CUX1: variants seen among roughly 807,000 people sequenced by gnomAD.
CUX1 encodes the protein protein CASP.
A neutral mutation model predicts 158.8 loss-of-function variants in CUX1; 31 were observed. The ratio of observed to expected loss-of-function variants is 0.20; its 90% confidence interval spans 0.15 to 0.26. The LOEUF is 0.26. Ranked by LOEUF, CUX1 falls within the 10% of genes least tolerant of loss-of-function variation. The pLI is 1.00. For missense variants in CUX1, 1,589 were observed against 2,014.6 expected (o/e 0.79, Z 4.04); for synonymous variants, 879 against 862.1 (o/e 1.02, Z -0.34).
chr7:102,274,214 C>T, intron 15 of CUX1: 1 of 1,602,760 alleles, frequency 6.2e-7, no homozygotes, highest in Non-Finnish European at 8.5e-7. Context: ...TGTGCGGAGG[C>T]ACCTCCTCAT....
Position 102,254,206 on chromosome 7 carries a change from AG to A in CUX1, c.*5167del. The A allele has an allele frequency of 6.1e-6, 6 of 985,278 alleles. No individual in the cohort carries two copies. The highest frequency in any genetic ancestry group is 7.2e-6 in the Non-Finnish European group (6 of 830,032). 61.0% of individuals were successfully genotyped at this position (985,278 alleles called of 1,614,324 possible). A position where few individuals can be genotyped will look rare whatever the true frequency, so the allele number is the denominator to read the frequency against. On this transcript the variant is annotated 3_prime_UTR_variant, in exon 24 of 24. Coordinates refer to ENST00000292535, the MANE Select transcript of CUX1 (RefSeq NM_181552.4). ...GGCAGGGCGTGGTCTCGGGGCTCCGAGGGTCTTGTCTTTGGTCCGCCTTCCT... is the reference window on the plus strand; with the variant it reads ...GGCAGGGCGTGGTCTCGGGGCTCCGAGGTCTTGTCTTTGGTCCGCCTTCCT...
chr7:101,821,571 T>C (rs929564787), intron 1 of CUX1, among the ~76,000 whole-genome samples: 23 of 151,048 alleles, frequency 1.5e-4, no homozygotes, highest in Non-Finnish European at 3.0e-4. Context: ...ATCTCCTCAC[T>C]TAGTGATCCG....
intron 1 of CUX1, among the ~76,000 whole-genome samples, chr7:101,839,885 C>A (rs1336429677): frequency 6.6e-6 from 1 of 152,128 alleles, no homozygotes; most frequent in Non-Finnish European, 1.5e-5. Flanking sequence ...GCTCAGCCTC[C>A]CCAGTAGCTG....
chr7:102,043,188 C>T (rs768986934), intron 3 of CUX1, among the ~76,000 whole-genome samples: 2 of 152,048 alleles, frequency 1.3e-5, no homozygotes, highest in African/African-American at 4.8e-5. Flanking sequence ...TGACCTCAAG[C>T]GATCCTCCCA....
chr7:101,834,177 T>C (rs1210429788), intron 1 of CUX1, among the ~76,000 whole-genome samples: 1 of 138,328 alleles, frequency 7.2e-6, no homozygotes, highest in African/African-American at 2.7e-5. Flanking sequence ...TTTTTTTTTT[T>C]TTTTTTTTTT....
At chr7:102,205,277 G>A in intron 20 of CUX1, 107 bp downstream of exon 20, 1 of 823,348 alleles carries the variant, frequency 1.2e-6, no homozygotes, top group Non-Finnish European at 2.1e-6. Context: ...GCACATTCTG[G>A]ATTTGGGGAG....
At chr7:101,892,807 G>A (rs1054862975) in intron 1 of CUX1, among the ~76,000 whole-genome samples, 2 of 152,060 alleles carry the variant, frequency 1.3e-5, no homozygotes, top group Admixed American at 6.6e-5. Flanking sequence ...CCATTAAAGG[G>A]CCTAAAACTA....
intron 2 of CUX1, among the ~76,000 whole-genome samples, chr7:101,952,446 G>A (rs979716728): frequency 6.6e-6 from 1 of 152,132 alleles, no homozygotes; most frequent in Non-Finnish European, 1.5e-5. Context: ...CAGAAAATAC[G>A]CGGGCAGGCC....
intron 2 of CUX1, among the ~76,000 whole-genome samples, chr7:101,943,112 T>C (rs1251909056): frequency 2.7e-5 from 4 of 149,172 alleles, no homozygotes; most frequent in Non-Finnish European, 5.9e-5. Flanking sequence ...TTACTTTTTC[T>C]TTTTCTGTTT....
At position 101,886,044 on chromosome 7, in the gene CUX1, G is replaced by A. The variant is rs181039930; in HGVS notation, c.31-30071G>A. 5.6e-3 allele frequency among the ~76,000 whole-genome samples: 847 copies of A among 152,196 alleles called. 9 individuals carry two copies. Among genetic ancestry groups the A allele is most frequent in the African/African-American group, 0.02 (812 of 41,536 alleles). On this transcript the variant is annotated intron_variant, in intron 1 of 23. Transcript: ENST00000292535. ...GGCCCCAGGATCCCCATGCCTCTGT[G>A]GGGGACACTCTGGAAGTGACAGGTG... is the stretch of plus-strand genomic sequence containing the variant.
chr7:102,041,357 C>T (rs373095033), intron 3 of CUX1, among the ~76,000 whole-genome samples: 3 of 135,416 alleles, frequency 2.2e-5, no homozygotes, highest in Admixed American at 8.6e-5. Flanking sequence ...TGGGTTCAAG[C>T]GATTCTCCTG....
At chr7:102,014,252 A>C (rs1019176084) in intron 2 of CUX1, among the ~76,000 whole-genome samples, 1 of 152,094 alleles carries the variant, frequency 6.6e-6, no homozygotes, top group African/African-American at 2.4e-5. Context: ...AGTATCTCAA[A>C]AGACAGACAT....
intron 3 of CUX1, among the ~76,000 whole-genome samples, chr7:102,038,205 G>A (rs1318698566): frequency 2.6e-5 from 4 of 152,174 alleles, no homozygotes; most frequent in Admixed American, 1.3e-4. Context: ...AGTGTTTACC[G>A]TGATAGATTC....
At chr7:101,965,473 G>T (rs1315094640) in intron 2 of CUX1, among the ~76,000 whole-genome samples, 1 of 152,078 alleles carries the variant, frequency 6.6e-6, no homozygotes, top group Admixed American at 6.6e-5. Context: ...GGGTCAGCAG[G>T]GCATATGGCC....
At chr7:102,001,132 G>A (rs1816634318) in intron 2 of CUX1, among the ~76,000 whole-genome samples, 1 of 152,084 alleles carries the variant, frequency 6.6e-6, no homozygotes, top group Admixed American at 6.6e-5. Flanking sequence ...TCCTGCATTT[G>A]TTAAAGACCC....
At chr7:102,088,834 C>G (rs146475043) in intron 4 of CUX1, among the ~76,000 whole-genome samples, 2 of 152,086 alleles carry the variant, frequency 1.3e-5, no homozygotes, top group Non-Finnish European at 2.9e-5. Flanking sequence ...AACTCTCTTA[C>G]GCTTACTGGT....
chr7:102,112,758 A>T (rs1256505905), intron 7 of CUX1, among the ~76,000 whole-genome samples: 1 of 151,992 alleles, frequency 6.6e-6, no homozygotes, highest in East Asian at 1.9e-4. Flanking sequence ...TTTAGTAGAG[A>T]TGAGGTTTCA....
At chr7:102,090,536 C>T (rs1041498167) in intron 4 of CUX1, among the ~76,000 whole-genome samples, 3 of 151,842 alleles carry the variant, frequency 2.0e-5, no homozygotes, top group East Asian at 1.9e-4. Context: ...TACAGGAGCC[C>T]GCCACCACGC....
At chr7:102,027,642 C>G (rs1419753283) in intron 2 of CUX1, among the ~76,000 whole-genome samples, 2 of 152,178 alleles carry the variant, frequency 1.3e-5, no homozygotes, top group East Asian at 3.9e-4. Context: ...GGGCACATCT[C>G]TTAAGCCCAG....
Sources: gnomAD v4.1 joint callset for allele counts (sites outside exome capture counted in the v4.1 genomes callset) on GRCh38, gnomAD v4.1.1 for gene constraint, MANE v1.5 for transcripts, NCBI Gene and HGNC (gene_info 2026-07-23, HGNC 2026-07-21) for gene names.